The following JMJD1C variants were observed in gnomAD, a reference collection of about 807,000 sequenced individuals.
The protein encoded by JMJD1C is jumonji domain containing 1C.
In JMJD1C, 31 loss-of-function variants were observed where a neutral mutation model predicts 245.3. That is an observed-to-expected ratio of 0.13 (90% CI 0.09 to 0.17). The LOEUF (loss-of-function observed/expected upper bound fraction) is 0.17. Ranked by LOEUF, JMJD1C falls within the 10% of genes least tolerant of loss-of-function variation. The probability of loss-of-function intolerance (pLI) is 1.00; values close to 1 mark genes in which losing one functional copy is unlikely to be tolerated. For synonymous variants in JMJD1C, 1,057 were observed against 1,017.4 expected (o/e 1.04, Z -0.74); for missense variants, 2,691 against 3,000.2 (o/e 0.90, Z 2.41).
At chr10:63,515,096 T>C (rs1954979115) in intron 1 of JMJD1C, among the ~76,000 whole-genome samples, 1 of 152,154 alleles carries the variant, frequency 6.6e-6, no homozygotes, top group Admixed American at 6.5e-5. Flanking sequence ...CACCAGCATT[T>C]CTCAGGTTTT....
intron 1 of JMJD1C, among the ~76,000 whole-genome samples, chr10:63,387,921 C>T (rs1007437959): frequency 1.3e-5 from 2 of 151,890 alleles, no homozygotes; most frequent in Admixed American, 6.6e-5. Flanking sequence ...AGGCGTGAGC[C>T]ACTGCGCCTG....
chr10:63,370,244 T>G (rs1382658730), intron 2 of JMJD1C, among the ~76,000 whole-genome samples: 1 of 152,234 alleles, frequency 6.6e-6, no homozygotes, highest in Non-Finnish European at 1.5e-5. Flanking sequence ...ATATCAATCT[T>G]CCAGTGATTT....
At chr10:63,346,941 C>T (rs1943867380) in intron 2 of JMJD1C, among the ~76,000 whole-genome samples, 1 of 152,068 alleles carries the variant, frequency 6.6e-6, no homozygotes, top group Non-Finnish European at 1.5e-5. Context: ...AATTTCAGGA[C>T]TTAGGTCCCC....
chr10:63,412,324 C>G (rs1949535778), intron 1 of JMJD1C, among the ~76,000 whole-genome samples: 1 of 152,008 alleles, frequency 6.6e-6, no homozygotes. Flanking sequence ...AGAGAAAATA[C>G]ATTTACAGTA....
At chr10:63,452,354 A>C (rs1350905904) in intron 1 of JMJD1C, among the ~76,000 whole-genome samples, 2 of 152,212 alleles carry the variant, frequency 1.3e-5, no homozygotes. Flanking sequence ...AAAAATCACT[A>C]ATCATTGGGA....
At chr10:63,252,119 T>C (rs1056081436) in intron 3 of JMJD1C, among the ~76,000 whole-genome samples, 1 of 152,216 alleles carries the variant, frequency 6.6e-6, no homozygotes, top group African/African-American at 2.4e-5. Context: ...CTCAGGGATA[T>C]CCATTAATGA....
chr10:63,393,573 G>A (rs1948248707), intron 1 of JMJD1C, among the ~76,000 whole-genome samples: 1 of 151,908 alleles, frequency 6.6e-6, no homozygotes, highest in Admixed American at 6.6e-5. Flanking sequence ...CACATCAAAG[G>A]GATACCTGCA....
chr10:63,440,726 G>T (rs975577783), intron 1 of JMJD1C, among the ~76,000 whole-genome samples: 11 of 152,138 alleles, frequency 7.2e-5, no homozygotes, highest in Non-Finnish European at 1.3e-4. Flanking sequence ...ACTGAGCCTT[G>T]AGGTTACTGA....
chr10:63,204,677 G>C (rs1348595486), intron 10 of JMJD1C: 1 of 985,314 alleles, frequency 1.0e-6, no homozygotes, highest in Non-Finnish European at 1.2e-6. Flanking sequence ...CAATATTCAA[G>C]TAAATGGCAG....
chr10:63,184,849 AG>A, intron 20 of JMJD1C, 111 bp from the exon 21 acceptor site: 1 of 995,734 alleles, frequency 1.0e-6, no homozygotes, highest in Non-Finnish European at 1.4e-6. Context: ...TCCATAAGAC[AG>A]GTAACAATTT....
At chr10:63,507,512 G>A (rs1455152059) in intron 1 of JMJD1C, among the ~76,000 whole-genome samples, 3 of 151,884 alleles carry the variant, frequency 2.0e-5, no homozygotes, top group Non-Finnish European at 4.4e-5. Context: ...AGGAGTGGTG[G>A]CAGATGCCTG....
chr10:63,292,159 T>C (rs1354555370), intron 2 of JMJD1C, among the ~76,000 whole-genome samples: 1 of 145,144 alleles, frequency 6.9e-6, no homozygotes, highest in Non-Finnish European at 1.5e-5. Context: ...TTTTTTTTTT[T>C]TTTTGCCTAG....
intron 2 of JMJD1C, among the ~76,000 whole-genome samples, chr10:63,309,932 T>C (rs947850021): frequency 1.3e-5 from 2 of 151,978 alleles, no homozygotes; most frequent in Non-Finnish European, 1.5e-5. Context: ...AAAAAGATAA[T>C]TTATAGTCAA....
chr10:63,493,249 C>CTTTTTTTTTT lies in JMJD1C; in HGVS notation n.113+28479_113+28488dup, dbSNP rs752941477. Reference sequence around the variant, plus strand: ...GTAGATGGGAACAAAACTGTTATTTCTTTTTTTTTTTTTTTTTTTTTTTTT... The same window carrying CTTTTTTTTTT: ...GTAGATGGGAACAAAACTGTTATTTCTTTTTTTTTTTTTTTTTTTTTTTTTTTTTTTTTTT... On this transcript the variant is annotated intron_variant and non_coding_transcript_variant, in intron 1 of 3. Transcript: ENST00000633035. Among the ~76,000 whole-genome samples, 298 of 49,156 alleles carry CTTTTTTTTTT rather than the reference C, an allele frequency of 6.1e-3. 29 individuals are homozygous for CTTTTTTTTTT. Among genetic ancestry groups the CTTTTTTTTTT allele is most frequent in the East Asian group, 0.01 (13 of 1,264 alleles). 32.2% of individuals were successfully genotyped at this position (49,156 alleles called of 152,430 possible). A position where few individuals can be genotyped will look rare whatever the true frequency, so the allele number is the denominator to read the frequency against.
intron 2 of JMJD1C, among the ~76,000 whole-genome samples, chr10:63,349,100 CA>C (rs71463516): frequency 0.015 from 505 of 34,792 alleles, 1 homozygote; most frequent in African/African-American, 0.054. Context: ...GACTCTGTCT[CA>C]AAAAAAAAAA....
intron 1 of JMJD1C, among the ~76,000 whole-genome samples, chr10:63,520,361 A>G (rs996474550): frequency 6.6e-6 from 1 of 152,188 alleles, no homozygotes; most frequent in Admixed American, 6.5e-5. Context: ...ATTTTCTAGG[A>G]CTTTAATTAA....
intron 1 of JMJD1C, among the ~76,000 whole-genome samples, chr10:63,462,022 T>A (rs910442994): frequency 6.6e-6 from 1 of 152,040 alleles, no homozygotes; most frequent in African/African-American, 2.4e-5. Context: ...CCTCAAAAAG[T>A]AGAACAGCAG....
chr10:63,239,457 T>C (rs141815933), intron 3 of JMJD1C, among the ~76,000 whole-genome samples: 92 of 152,258 alleles, frequency 6.0e-4, no homozygotes, highest in African/African-American at 2.1e-3. Context: ...GTTGATTTTT[T>C]TTTTGAGACT....
chr10:63,425,084 GCTATTT>G (rs1348019427), intron 1 of JMJD1C, among the ~76,000 whole-genome samples: 4 of 151,850 alleles, frequency 2.6e-5, no homozygotes, highest in Non-Finnish European at 5.9e-5. Flanking sequence ...CTACTTAACT[GCTATTT>G]CTAATTTTAG....
Sources: gnomAD v4.1 joint callset for allele counts (sites outside exome capture counted in the v4.1 genomes callset) on GRCh38, gnomAD v4.1.1 for gene constraint, MANE v1.5 for transcripts, NCBI Gene and HGNC (gene_info 2026-07-23, HGNC 2026-07-21) for gene names.